The following CCDC102B variants were observed in gnomAD, a reference collection of about 807,000 sequenced individuals.
CCDC102B encodes coiled-coil domain containing 102B, also known as coiled-coil domain-containing protein 102B.
CCDC102B carries 75 observed loss-of-function variants against 57.4 expected under a neutral mutation model. That is an observed-to-expected ratio of 1.31 (90% CI 1.08 to 1.58). CCDC102B has a LOEUF of 1.58. Ranked by LOEUF, CCDC102B falls within the 40% of genes most tolerant of loss-of-function variation. The pLI is 0.00. For synonymous variants in CCDC102B, 206 were observed against 201.9 expected, an observed-to-expected ratio of 1.02 and a Z score of -0.17; for missense variants, 636 against 582.6, an observed-to-expected ratio of 1.09 and a Z score of -0.94.
chr18:68,847,938 C>T (rs1257505576), intron 4 of CCDC102B, among the ~76,000 whole-genome samples: 1 of 151,648 alleles, frequency 6.6e-6, no homozygotes, highest in Admixed American at 6.6e-5. Context: ...TATGTCTTTT[C>T]ATTCCTAACA....
At chr18:68,912,713 A>G (rs2040919207) in intron 6 of CCDC102B, among the ~76,000 whole-genome samples, 1 of 152,230 alleles carries the variant, frequency 6.6e-6, no homozygotes, top group Non-Finnish European at 1.5e-5. Context: ...AAGGAAAAGA[A>G]AAAGAATGAA....
rs1599829449 is a variant in CCDC102B, at chr18:69,001,592, G to A, written c.1264-9342G>A. ...ATACCAGGCTTACCCAGGAAGAGAAGGGGCCAGGTTCCTCCCCGATGCAAA... is the reference window on the plus strand; with the variant it reads ...ATACCAGGCTTACCCAGGAAGAGAAAGGGCCAGGTTCCTCCCCGATGCAAA... On this transcript the variant is annotated intron_variant, in intron 6 of 7. Coordinates refer to ENST00000360242, the MANE Select transcript of CCDC102B (RefSeq NM_024781.3). Among the ~76,000 whole-genome samples the A allele has an allele frequency of 3.3e-5, 5 of 152,266 alleles. No individual in the cohort carries two copies. The South Asian group carries it at 1.0e-3, about 32-fold the overall frequency.
intron 6 of CCDC102B, among the ~76,000 whole-genome samples, chr18:68,999,369 G>A (rs1331544995): frequency 6.6e-6 from 1 of 151,658 alleles, no homozygotes; most frequent in East Asian, 1.9e-4. Context: ...GGCTGAGGCG[G>A]ATGGATCACT....
At chr18:68,922,580 G>A (rs1191444542) in intron 6 of CCDC102B, among the ~76,000 whole-genome samples, 2 of 152,246 alleles carry the variant, frequency 1.3e-5, no homozygotes, top group South Asian at 2.1e-4. Flanking sequence ...ATGAGCTGTG[G>A]TTGATGATAA....
intron 2 of CCDC102B, among the ~76,000 whole-genome samples, chr18:68,775,763 C>T (rs2144622880): frequency 6.7e-6 from 1 of 150,074 alleles, no homozygotes; most frequent in South Asian, 2.1e-4. Context: ...AAGTGATTCT[C>T]CTGCCTCAGC....
At chr18:68,911,761 A>AAAAAAAAAC in intron 6 of CCDC102B, among the ~76,000 whole-genome samples, 1 of 140,932 alleles carries the variant, frequency 7.1e-6, no homozygotes, top group Non-Finnish European at 1.6e-5. Flanking sequence ...CAAAAAAAAA[A>AAAAAAAAAC]AAAAAAAAAA....
intron 5 of CCDC102B, among the ~76,000 whole-genome samples, chr18:68,880,186 T>C (rs2144953751): frequency 6.6e-6 from 1 of 152,282 alleles, no homozygotes; most frequent in Admixed American, 6.5e-5. Context: ...GCAGCGCCGG[T>C]GGGCTGGCAC....
intron 6 of CCDC102B, chr18:68,908,048 T>C (rs532320781): frequency 2.0e-5 from 3 of 152,352 alleles, no homozygotes; most frequent in South Asian, 2.1e-4. Flanking sequence ...TGAGATAATA[T>C]GATTTTTCCT....
chr18:68,774,174 A>T (rs777558451), intron 2 of CCDC102B, among the ~76,000 whole-genome samples: 3 of 151,982 alleles, frequency 2.0e-5, no homozygotes, highest in African/African-American at 7.2e-5. Flanking sequence ...GGGAAATGAT[A>T]TTTTGAGACA....
In CCDC102B at chr18:68,959,136, G is replaced by A. The variant is rs571628003; in HGVS notation, c.1264-51798G>A. On this transcript the variant is annotated intron_variant, in intron 6 of 7. Transcript: ENST00000360242. Reference sequence around the variant, plus strand: ...AGTCTGTACTTTTTTTGTACCCATCGTTTTTGGGAAAGCTTTCCCTGTATT... The same window carrying A: ...AGTCTGTACTTTTTTTGTACCCATCATTTTTGGGAAAGCTTTCCCTGTATT... Among the ~76,000 whole-genome samples the A allele has an allele frequency of 4.6e-5, 7 of 152,112 alleles. No homozygotes were observed. The East Asian group carries it at 1.4e-3, about 30-fold the overall frequency.
chr18:68,738,281 T>C (rs1045295740), intron 2 of CCDC102B, among the ~76,000 whole-genome samples: 3 of 152,146 alleles, frequency 2.0e-5, no homozygotes, highest in Non-Finnish European at 4.4e-5. Flanking sequence ...TAGACATTCT[T>C]TGCTACAGAA....
At chr18:68,908,532 A>C (rs2040724569) in intron 6 of CCDC102B, 1 of 152,188 alleles carries the variant, frequency 6.6e-6, no homozygotes, top group Non-Finnish European at 1.5e-5. Flanking sequence ...GGAAATCTAG[A>C]CCAATATTAC....
intron 6 of CCDC102B, among the ~76,000 whole-genome samples, chr18:68,995,442 A>G (rs2145338883): frequency 6.6e-6 from 1 of 152,266 alleles, no homozygotes; most frequent in Middle Eastern, 3.4e-3. Flanking sequence ...GGCCAAGCCC[A>G]GAGGCTTGTT....
intron 6 of CCDC102B, among the ~76,000 whole-genome samples, chr18:68,976,132 G>A (rs2050431711): frequency 6.6e-6 from 1 of 151,906 alleles, no homozygotes; most frequent in Non-Finnish European, 1.5e-5. Flanking sequence ...TATCTTGTGT[G>A]GGTTTTAGGT....
chr18:68,969,587 T>G (rs2050249965), intron 6 of CCDC102B, among the ~76,000 whole-genome samples: 1 of 151,966 alleles, frequency 6.6e-6, no homozygotes, highest in Non-Finnish European at 1.5e-5. Flanking sequence ...TAATGCTTGT[T>G]GATGTGATAG....
intron 6 of CCDC102B, among the ~76,000 whole-genome samples, chr18:68,991,752 G>A (rs1002979594): frequency 1.3e-5 from 2 of 152,150 alleles, no homozygotes; most frequent in East Asian, 3.8e-4. Context: ...ATATCACACT[G>A]AGTCAGGATA....
chr18:68,981,697 T>C (rs1214379318), intron 6 of CCDC102B, among the ~76,000 whole-genome samples: 2 of 152,006 alleles, frequency 1.3e-5, no homozygotes, highest in South Asian at 2.1e-4. Flanking sequence ...TCTGAAATTA[T>C]ATCATAATTT....
chr18:68,983,815 G>T (rs146436319), intron 6 of CCDC102B, among the ~76,000 whole-genome samples: 8 of 152,116 alleles, frequency 5.3e-5, no homozygotes, highest in Non-Finnish European at 1.0e-4. Flanking sequence ...TGTCTTATCT[G>T]ATTTTTGAAT....
At chr18:68,881,055 C>T (rs1478780908) in intron 5 of CCDC102B, among the ~76,000 whole-genome samples, 2 of 152,164 alleles carry the variant, frequency 1.3e-5, no homozygotes, top group Non-Finnish European at 2.9e-5. Context: ...ACAATAATTG[C>T]TTTACTGAAG....
Sources: allele counts gnomAD v4.1 joint callset (sites outside exome capture counted in the v4.1 genomes callset), GRCh38; gene constraint gnomAD v4.1.1; transcripts MANE v1.5; gene names NCBI Gene and HGNC (gene_info 2026-07-23, HGNC 2026-07-21).